CASKIN1: variants seen among roughly 807,000 people sequenced by gnomAD.
CASKIN1 encodes caskin-1.
A neutral mutation model predicts 117.5 loss-of-function variants in CASKIN1; 42 were observed. The ratio of observed to expected loss-of-function variants is 0.36; its 90% CI spans 0.28 to 0.46. The LOEUF is 0.46. Among genes scored for constraint, CASKIN1 ranks in the 20% least tolerant of loss-of-function variants. The probability of loss-of-function intolerance (pLI) is 1.00; values close to 1 mark genes in which losing one functional copy is unlikely to be tolerated. For missense variants in CASKIN1, 2,083 were observed against 2,077.3 expected, an observed-to-expected ratio of 1.00 and a Z score of -0.05; for synonymous variants, 1,148 against 961.7, an observed-to-expected ratio of 1.19 and a Z score of -3.59.
chr16:2,181,298 C>G lies in CASKIN1; in HGVS notation c.2070G>C (p.Thr690=), dbSNP rs117397730. The stretch of plus-strand genomic sequence containing the variant: ...GACCACCCAGGCTGGAGTCCTGCCG[C>G]GTGGTGGCCCTCGGGGTGGGTGGCA... ...SHLPPTPRAT[T]RQDSSLGGRA... The change falls in exon 18 of 20, where the codon ACG becomes ACC. Residue 690 remains threonine (T), a synonymous_variant. Transcript: ENST00000343516. The G allele has an allele frequency of 1.1e-3, 1,738 of 1,603,266 alleles. 14 individuals are homozygous for G. In the East Asian group the frequency reaches 0.027, roughly 25 times the overall value.
Position 2,181,373 on chromosome 16 carries a change from C to A in CASKIN1, c.1995G>T (p.Met665Ile). The change falls in exon 18 of 20, where the codon ATG becomes ATT. Residue 665 changes from methionine to isoleucine, a missense_variant. Met to Ile is a conservative substitution (Grantham distance 10). Transcript: ENST00000343516. ...SELSDELQAAMTGPAEVGPTT... is the reference protein window; with the variant it reads ...SELSDELQAAITGPAEVGPTT... Reference sequence around the variant, plus strand: ...TGGGCCCCACCTCAGCCGGGCCAGTCATGGCAGCCTGCAGCTCGTCACTGA... The same window carrying A: ...TGGGCCCCACCTCAGCCGGGCCAGTAATGGCAGCCTGCAGCTCGTCACTGA... 6.2e-7 allele frequency: 1 copy of A among 1,609,050 alleles called. No individual in the cohort carries two copies. The highest frequency in any genetic ancestry group is 1.1e-5 in the South Asian group (1 of 90,706).
chr16:2,193,414 C>T (rs1219450222), intron 1 of CASKIN1, among the ~76,000 whole-genome samples: 1 of 152,224 alleles, frequency 6.6e-6, no homozygotes, highest in Admixed American at 6.5e-5. Flanking sequence ...TTGCCATTAG[C>T]TAAAGGGAGC....
Position 2,182,948 on chromosome 16 carries a change from G to A in CASKIN1, c.1629+698C>T, listed in dbSNP as rs542825771. On this transcript the variant is annotated intron_variant, in intron 16 of 19. Transcript: ENST00000343516. This position sits in a 1 kb window ranked among gnomAD's most constrained non-coding sequence, Gnocchi z 4.1. ...TGGGACTATAGGCACCCGCCACCAC[G>A]CCTGGCCAATTTTTGGTTTTAGTAG... 8.3e-4 allele frequency among the ~76,000 whole-genome samples: 127 copies of A among 152,292 alleles called. No individual in the cohort carries two copies. Among genetic ancestry groups the A allele is most frequent in the Middle Eastern group, 3.4e-3 (1 of 294 alleles).
In CASKIN1 at chr16:2,179,559, C is replaced by T. The variant is rs2093159247; in HGVS notation, c.3775+34G>A. 6 of 1,422,860 alleles carry T rather than the reference C, an allele frequency of 4.2e-6. No individual in the cohort carries two copies. Among genetic ancestry groups the T allele is most frequent in the Middle Eastern group, 2.1e-4 (1 of 4,834 alleles). The allele number at this position is 1,422,860 out of a possible 1,614,324, so 88.1% of individuals were successfully genotyped here. ...CCGAGTAAGGAGGTGGAGCAGGGTCCTGTTGCCCCTTCACCCCACCCTGGC... is the reference window on the plus strand; with the variant it reads ...CCGAGTAAGGAGGTGGAGCAGGGTCTTGTTGCCCCTTCACCCCACCCTGGC... On this transcript the variant is annotated intron_variant, in intron 18 of 19. Coordinates refer to ENST00000343516, the MANE Select transcript of CASKIN1 (RefSeq NM_020764.4). The surrounding 1 kb of genome is among the most constrained non-coding windows in gnomAD (Gnocchi z 5.8).
intron 14 of CASKIN1, 136 bp downstream of exon 14, chr16:2,184,641 G>A (rs764457829): frequency 5.5e-5 from 35 of 633,852 alleles, no homozygotes; most frequent in Non-Finnish European, 8.8e-5. Context: ...CTGACAGACA[G>A]AGGAGAGGGT....
At chr16:2,194,825 A>G (rs1453816188) in intron 1 of CASKIN1, among the ~76,000 whole-genome samples, 1 of 152,090 alleles carries the variant, frequency 6.6e-6, no homozygotes, top group Non-Finnish European at 1.5e-5. Flanking sequence ...ACCTCCCCAG[A>G]GCTGAAGCCC....
Position 2,187,027 on chromosome 16 carries a change from T to C in CASKIN1, c.881A>G (p.Asn294Ser). ...GTTGAGGCTGGTCAGGTCGTAATTG[T>C]TGCAATAATCCTTGGTCGCCCGGAC... Reference protein sequence around the residue: ...LQVRATKDYCNNYDLTSLNVK... With the variant: ...LQVRATKDYCSNYDLTSLNVK... The change falls in exon 9 of 20, where the codon AAC (asparagine) becomes AGC (serine). Residue 294 changes from asparagine (N) to serine (S), a missense_variant. Around this residue, in one of 3 missense-constraint regions of CASKIN1, gnomAD observed 1,818 missense variants for 1,688.9 expected, o/e 1.08. Coordinates refer to ENST00000343516, the MANE Select transcript of CASKIN1 (RefSeq NM_020764.4). The C allele has an allele frequency of 6.2e-7, 1 of 1,613,792 alleles. No homozygotes were observed. The highest frequency in any genetic ancestry group is 1.3e-5 in the African/African-American group (1 of 75,026).
At chr16:2,188,641 G>C (rs139746995) in intron 6 of CASKIN1, among the ~76,000 whole-genome samples, 2 of 152,122 alleles carry the variant, frequency 1.3e-5, no homozygotes, top group African/African-American at 4.8e-5. Context: ...GTGAGCCGCC[G>C]GGGCACCCAG....
Position 2,179,126 on chromosome 16 carries a change from G to C in CASKIN1, c.3975C>G (p.Pro1325=). ...PGTPPSLGAS[P]AKPPSPGAPA... ...GCGCGCCGGGGGACGGGGGCTTGGC[G>C]GGGCTGGCGCCCAGCGAGGGCGGCG... Residue 1325 remains proline (P), a synonymous_variant, in exon 19 of 20, where the codon CCC becomes CCG. Coordinates refer to ENST00000343516, the MANE Select transcript of CASKIN1 (RefSeq NM_020764.4). This position sits in a 1 kb window ranked among gnomAD's most constrained non-coding sequence, Gnocchi z 5.8. The C allele has an allele frequency of 9.8e-7, 1 of 1,022,922 alleles. No individual in the cohort carries two copies. The highest frequency in any genetic ancestry group is 1.2e-6 in the Non-Finnish European group (1 of 855,902). The allele number at this position is 1,022,922 out of a possible 1,614,324, so 63.4% of individuals were successfully genotyped here. A position where few individuals can be genotyped will look rare whatever the true frequency, so the allele number is the denominator to read the frequency against.
At chr16:2,186,299 C>T (rs2093184284) in intron 10 of CASKIN1, among the ~76,000 whole-genome samples, 1 of 152,174 alleles carries the variant, frequency 6.6e-6, no homozygotes, top group Admixed American at 6.5e-5. Context: ...GCTCCTGCCA[C>T]CTGGAACCCA....
At chr16:2,186,083 C>T (rs1485232167) in intron 10 of CASKIN1, among the ~76,000 whole-genome samples, 1 of 152,198 alleles carries the variant, frequency 6.6e-6, no homozygotes, top group Non-Finnish European at 1.5e-5. Flanking sequence ...GCAATCCTCC[C>T]ACCTCAGCCT....
rs370474395 is a variant in CASKIN1, at chr16:2,189,573, C to T, written c.245-9G>A. ...GTGCAGCGGCCGCATGCCTGGGGGGCGAGGGGATGCTGGGAGCTGACCCTT... is the reference window on the plus strand; with the variant it reads ...GTGCAGCGGCCGCATGCCTGGGGGGTGAGGGGATGCTGGGAGCTGACCCTT... On this transcript the variant is annotated splice_polypyrimidine_tract_variant and intron_variant, in intron 3 of 19. Coordinates refer to ENST00000343516, the MANE Select transcript of CASKIN1 (RefSeq NM_020764.4). The T allele has an allele frequency of 2.0e-5, 32 of 1,591,464 alleles. No individual in the cohort carries two copies. The African/African-American group carries it at 2.1e-4, about 11-fold the overall frequency.
rs765851274 is a variant in CASKIN1 at position 2,179,675 on chromosome 16, G to T, written c.3693C>A (p.Val1231=). 10 of 1,522,350 alleles carry T rather than the reference G, an allele frequency of 6.6e-6. No individual in the cohort carries two copies. In the South Asian group the frequency reaches 1.0e-4, roughly 16 times the overall value. 94.3% of individuals were successfully genotyped at this position (1,522,350 alleles called of 1,614,324 possible). The change falls in exon 18 of 20, where the codon GTC becomes GTA. Residue 1231 remains valine, a synonymous_variant. Coordinates refer to ENST00000343516, the MANE Select transcript of CASKIN1 (RefSeq NM_020764.4). This position sits in a 1 kb window ranked among gnomAD's most constrained non-coding sequence, Gnocchi z 5.8. ...GGAGCTTGGGCACAGGCTGCGTCAG[G>T]ACGGGCTTGGGAGAGACAGGCGGCT... ...PAKPPVSPKP[V]LTQPVPKLQG... is the part of the protein sequence containing the mutation.
chr16:2,196,381 TC>T lies in CASKIN1; in HGVS notation c.51del (p.Thr18ProfsTer41). ...GGCCTCTGCAGCAGCCTCTGCGCGG[TC>T]CCTACGTCCTCCGCCTTCACCGCCT... ...LVQAVKAEDV[G>X]TAQRLLQRPR... On this transcript the variant is annotated frameshift_variant, in exon 1 of 20. Transcript: ENST00000343516. LOFTEE classifies it high-confidence loss of function. The surrounding 1 kb of genome is among the most constrained non-coding windows in gnomAD (Gnocchi z 5.7). 1 of 1,370,444 alleles carries T rather than the reference TC, an allele frequency of 7.3e-7. No individual in the cohort carries two copies. Among genetic ancestry groups the T allele is most frequent in the Non-Finnish European group, 9.5e-7 (1 of 1,049,200 alleles). 84.9% of individuals were successfully genotyped at this position (1,370,444 alleles called of 1,614,324 possible).
intron 3 of CASKIN1, 53 bp downstream of exon 3, chr16:2,190,020 C>A (rs2093196641): frequency 3.4e-6 from 5 of 1,475,706 alleles, no homozygotes; most frequent in Middle Eastern, 2.4e-4. Context: ...CCTGGGGAGC[C>A]CCCCTCGCTG....
In CASKIN1 at chr16:2,183,740, G is replaced by T; in HGVS notation, c.1535C>A (p.Thr512Lys). ...TISRMTPEDL[T>K]AIGVTKPGHR... Reference sequence around the variant, plus strand: ...GCCCGGCTTGGTGACACCAATGGCCGTGAGGTCCTAGGCAGTGGGGAGGCT... The same window carrying T: ...GCCCGGCTTGGTGACACCAATGGCCTTGAGGTCCTAGGCAGTGGGGAGGCT... Residue 512 changes from threonine (T) to lysine (K), a missense_variant, in exon 16 of 20, where the codon ACG becomes AAG. Transcript: ENST00000343516. 1 of 1,613,332 alleles carries T rather than the reference G, an allele frequency of 6.2e-7. No individual in the cohort carries two copies. Among genetic ancestry groups the T allele is most frequent in the Non-Finnish European group, 8.5e-7 (1 of 1,179,978 alleles).
In CASKIN1 at chr16:2,181,901, A is replaced by C; in HGVS notation, c.1658T>G (p.Ile553Ser). 1.9e-6 allele frequency: 3 copies of C among 1,613,686 alleles called. No individual in the cohort carries two copies. Among genetic ancestry groups the C allele is most frequent in the Non-Finnish European group, 2.5e-6 (3 of 1,179,974 alleles). The change falls in exon 17 of 20, where the codon ATC becomes AGC. Residue 553 changes from isoleucine (I) to serine (S), a missense_variant. Ile to Ser is a moderately radical substitution (Grantham distance 142). Transcript: ENST00000343516. The stretch of plus-strand genomic sequence containing the variant: ...CACCTTGTAGTACTGGGCCAGGCCG[A>C]TCATGGACAGCCACACGGCCAGGTT... ...PANLAVWLSM[I>S]GLAQYYKVLV...
chr16:2,190,977 C>T (rs776620801), intron 1 of CASKIN1, among the ~76,000 whole-genome samples: 5 of 152,188 alleles, frequency 3.3e-5, no homozygotes, highest in Non-Finnish European at 5.9e-5. Flanking sequence ...CGACTCGGAG[C>T]ACCTGAGGCC....
At chr16:2,193,424 C>T (rs901236022) in intron 1 of CASKIN1, among the ~76,000 whole-genome samples, 1 of 152,198 alleles carries the variant, frequency 6.6e-6, no homozygotes, top group Non-Finnish European at 1.5e-5. Flanking sequence ...CTAAAGGGAG[C>T]GCAGGTGTCA....
Sources: gnomAD v4.1 joint callset for allele counts (sites outside exome capture counted in the v4.1 genomes callset) on GRCh38, gnomAD v4.1.1 for gene constraint, gnomAD v4.1.1 regional missense constraint, Gnocchi (gnomAD v3.1) non-coding constraint, MANE v1.5 for transcripts, NCBI Gene and HGNC (gene_info 2026-07-23, HGNC 2026-07-21) for gene names.